ZNF385D: variants seen among roughly 807,000 people sequenced by gnomAD.
ZNF385D encodes the protein zinc finger protein 659.
Under a neutral mutation model 35.8 loss-of-function variants are expected in ZNF385D, and 15 were observed. The observed-to-expected ratio is 0.42, with a 90% confidence interval of 0.28 to 0.64. ZNF385D has a LOEUF of 0.64. Ranked by LOEUF, ZNF385D falls within the 30% of genes least tolerant of loss-of-function variation. ZNF385D has a pLI of 0.23. For missense variants in ZNF385D, 474 were observed against 494.6 expected (o/e 0.96, Z 0.39); for synonymous variants, 212 against 186.8 (o/e 1.13, Z -1.10).
upstream of ZNF385D, chr3:21,751,218 C>G: frequency 7.8e-7 from 1 of 1,287,014 alleles, no homozygotes; most frequent in Non-Finnish European, 9.9e-7. Context: ...ACTGAGAGTA[C>G]TACAAGCAGA....
chr3:21,423,224 CAT>C (rs1352256293), intron 7 of ZNF385D, among the ~76,000 whole-genome samples: 1 of 152,198 alleles, frequency 6.6e-6, no homozygotes, highest in African/African-American at 2.4e-5. Context: ...ACTGGGGTCT[CAT>C]AATAGATAAT....
chr3:21,501,854 C>G lies in ZNF385D; in HGVS notation c.439+9007G>C, dbSNP rs970877538. 3.9e-5 allele frequency among the ~76,000 whole-genome samples: 6 copies of G among 152,294 alleles called. No individual in the cohort carries two copies. In the East Asian group the frequency reaches 1.2e-3, roughly 29 times the overall value. ...AGAAGTGTGGCATCTGCAGACAAAG[C>G]TACTGGGAGTTTTAATTTAATTTTT... On this transcript the variant is annotated intron_variant, in intron 4 of 7. Coordinates refer to ENST00000281523, the MANE Select transcript of ZNF385D (RefSeq NM_024697.3).
intron 2 of ZNF385D, among the ~76,000 whole-genome samples, chr3:22,210,886 T>A (rs2125260280): frequency 6.6e-6 from 1 of 152,066 alleles, no homozygotes; most frequent in Non-Finnish European, 1.5e-5. Flanking sequence ...TTTCATCAAA[T>A]GACTGATTCA....
rs180855520 is a variant in ZNF385D at position 22,254,770 on chromosome 3, A to G, written c.107-85735T>C. ...TGTCGGCATGTTAATAGTAACCCTT[A>G]TTTTACTTAGTAAGGGTTACTAAGC... is the stretch of plus-strand genomic sequence containing the variant. On this transcript the variant is annotated intron_variant, in intron 2 of 5. Transcript: ENST00000494108. Among the ~76,000 whole-genome samples, 6 of 151,900 alleles carry G rather than the reference A, an allele frequency of 3.9e-5. No homozygotes were observed. The East Asian group carries it at 1.2e-3, about 30-fold the overall frequency.
intron 4 of ZNF385D, among the ~76,000 whole-genome samples, chr3:21,510,288 G>A (rs1007168463): frequency 9.2e-5 from 14 of 152,104 alleles, no homozygotes; most frequent in African/African-American, 3.4e-4. Context: ...TCACCGTGAA[G>A]CCTCTGTTAA....
intron 3 of ZNF385D, among the ~76,000 whole-genome samples, chr3:22,042,158 T>C (rs1206838777): frequency 6.6e-6 from 1 of 152,114 alleles, no homozygotes; most frequent in Non-Finnish European, 1.5e-5. Flanking sequence ...CAAGGAATCC[T>C]ACTACCTGGA....
At chr3:21,572,255 A>G (rs938695721) in intron 2 of ZNF385D, among the ~76,000 whole-genome samples, 2 of 152,238 alleles carry the variant, frequency 1.3e-5, no homozygotes, top group Admixed American at 1.3e-4. Flanking sequence ...CAAACTTTTT[A>G]TAATACAATA....
intron 2 of ZNF385D, among the ~76,000 whole-genome samples, chr3:22,279,987 T>C (rs2125378231): frequency 6.6e-6 from 1 of 152,210 alleles, no homozygotes; most frequent in African/African-American, 2.4e-5. Flanking sequence ...TCTTGCAGCA[T>C]AAGGTTGTAT....
chr3:21,998,187 C>T (rs1300501947), intron 3 of ZNF385D, among the ~76,000 whole-genome samples: 1 of 152,114 alleles, frequency 6.6e-6, no homozygotes, highest in Non-Finnish European at 1.5e-5. Flanking sequence ...TAACCTACCC[C>T]TTATTTAGCA....
chr3:22,247,095 T>G (rs1346266685), intron 2 of ZNF385D, among the ~76,000 whole-genome samples: 1 of 152,154 alleles, frequency 6.6e-6, no homozygotes, highest in Non-Finnish European at 1.5e-5. Flanking sequence ...TTCTGTTAGA[T>G]TTTAAATTCC....
chr3:22,035,686 C>T (rs1351896615), intron 3 of ZNF385D, among the ~76,000 whole-genome samples: 1 of 152,066 alleles, frequency 6.6e-6, no homozygotes, highest in East Asian at 1.9e-4. Flanking sequence ...TCAGCAAGAC[C>T]CCTAGAAAAC....
At chr3:21,888,083 C>G (rs1698644068) in intron 3 of ZNF385D, among the ~76,000 whole-genome samples, 1 of 152,042 alleles carries the variant, frequency 6.6e-6, no homozygotes, top group South Asian at 2.1e-4. Context: ...AATTGCTCCC[C>G]CCCTTTTTTG....
chr3:21,769,122 A>G lies in ZNF385D; in HGVS notation c.326-104094T>C, dbSNP rs111714114. On this transcript the variant is annotated intron_variant, in intron 3 of 5. Coordinates refer to the ZNF385D transcript ENST00000494108. ...GGCCCTTTCTGCATCTATTGAGATAATATCATACTGAATGGGCAAAAACTG... is the reference window on the plus strand; with the variant it reads ...GGCCCTTTCTGCATCTATTGAGATAGTATCATACTGAATGGGCAAAAACTG... Among the ~76,000 whole-genome samples the G allele has an allele frequency of 2.5e-3, 386 of 152,256 alleles. 4 individuals carry two copies. Among genetic ancestry groups the G allele is most frequent in the African/African-American group, 8.9e-3 (370 of 41,564 alleles).
intron 3 of ZNF385D, among the ~76,000 whole-genome samples, chr3:22,163,448 A>G (rs776372016): frequency 1.3e-5 from 2 of 152,182 alleles, no homozygotes; most frequent in African/African-American, 4.8e-5. Flanking sequence ...ATTTTCCTTA[A>G]TAAGTGAGAT....
chr3:21,798,150 CTG>C (rs1379213009), intron 3 of ZNF385D, among the ~76,000 whole-genome samples: 1 of 152,148 alleles, frequency 6.6e-6, no homozygotes, highest in Non-Finnish European at 1.5e-5. Context: ...TGGGAAATCT[CTG>C]TACCTGCCTT....
Position 21,528,669 on chromosome 3 carries a change from G to C in ZNF385D, c.277-17646C>G, listed in dbSNP as rs549241839. ...AACTCTTATTTTGGATATTACATGA[G>C]CAAAACTTAAGTATCTAATTTGTTA... On this transcript the variant is annotated intron_variant, in intron 3 of 7. Transcript: ENST00000281523. Among the ~76,000 whole-genome samples the C allele has an allele frequency of 1.6e-4, 24 of 152,262 alleles. No individual in the cohort carries two copies. The South Asian group carries it at 4.8e-3, about 30-fold the overall frequency.
chr3:22,160,697 T>G (rs1705891062), intron 3 of ZNF385D, among the ~76,000 whole-genome samples: 1 of 152,086 alleles, frequency 6.6e-6, no homozygotes, highest in Admixed American at 6.6e-5. Context: ...TACAAAACAA[T>G]GAACACCAAA....
At chr3:21,840,784 T>C (rs1695616402) in intron 3 of ZNF385D, among the ~76,000 whole-genome samples, 1 of 151,788 alleles carries the variant, frequency 6.6e-6, no homozygotes. Flanking sequence ...TTCAAAAAAG[T>C]TTGATAAATT....
At chr3:22,031,487 C>G (rs1216049591) in intron 3 of ZNF385D, among the ~76,000 whole-genome samples, 1 of 152,232 alleles carries the variant, frequency 6.6e-6, no homozygotes, top group Non-Finnish European at 1.5e-5. Flanking sequence ...CCCTTTGAAG[C>G]CATGGCCTGA....
Sources: gnomAD v4.1 joint callset for allele counts (sites outside exome capture counted in the v4.1 genomes callset) on GRCh38, gnomAD v4.1.1 for gene constraint, MANE v1.5 for transcripts, NCBI Gene and HGNC (gene_info 2026-07-23, HGNC 2026-07-21) for gene names.